NAALADL2: variants seen among roughly 807,000 people sequenced by gnomAD.
The protein encoded by NAALADL2 is N-acetylated alpha-linked acidic dipeptidase like 2.
NAALADL2 carries 76 observed loss-of-function variants against 87.2 expected under a neutral mutation model. That is an observed-to-expected ratio of 0.87 (90% CI 0.72 to 1.05). The LOEUF (loss-of-function observed/expected upper bound fraction) is 1.05. NAALADL2 is among the 50% of genes least tolerant of loss of function. The probability of loss-of-function intolerance (pLI) is 0.00; values close to 1 mark genes in which losing one functional copy is unlikely to be tolerated. For synonymous variants in NAALADL2, 354 were observed against 331.0 expected, an observed-to-expected ratio of 1.07 and a Z score of -0.75; for missense variants, 1,089 against 945.8, an observed-to-expected ratio of 1.15 and a Z score of -1.99.
chr3:174,808,077 G>A (rs1408675891), intron 3 of NAALADL2, among the ~76,000 whole-genome samples: 1 of 152,054 alleles, frequency 6.6e-6, no homozygotes, highest in Non-Finnish European at 1.5e-5. Context: ...TTTCAGACTT[G>A]TGGAAATTTA....
At chr3:174,689,574 C>A (rs1334130749) in intron 2 of NAALADL2, among the ~76,000 whole-genome samples, 1 of 151,892 alleles carries the variant, frequency 6.6e-6, no homozygotes, top group Non-Finnish European at 1.5e-5. Flanking sequence ...CAGGCCATAC[C>A]CTAGATGAAA....
rs7640163 is a variant in NAALADL2, at chr3:174,951,962, T to G, written c.43+92512T>G. 5.2e-3 allele frequency among the ~76,000 whole-genome samples: 788 copies of G among 152,222 alleles called. 10 individuals are homozygous for G. The highest frequency in any genetic ancestry group is 0.018 in the African/African-American group (766 of 41,554). On this transcript the variant is annotated intron_variant, in intron 1 of 13. Transcript: ENST00000454872. ...TCAGTTTTCTAAACCTAAGATAATT[T>G]TGTGTTACTCTATGCCTCTGAACAT...
chr3:174,526,262 C>A (rs1720736814), intron 1 of NAALADL2, among the ~76,000 whole-genome samples: 1 of 152,118 alleles, frequency 6.6e-6, no homozygotes, highest in South Asian at 2.1e-4. Context: ...ATTCAGTGGA[C>A]TAGCATTTCT....
At chr3:174,843,430 T>A (rs1234410127) in intron 3 of NAALADL2, among the ~76,000 whole-genome samples, 2 of 152,140 alleles carry the variant, frequency 1.3e-5, no homozygotes, top group African/African-American at 4.8e-5. Flanking sequence ...TTTCTTTAAA[T>A]ATTCATCCAT....
At chr3:175,161,542 G>A in intron 2 of NAALADL2, among the ~76,000 whole-genome samples, 1 of 152,072 alleles carries the variant, frequency 6.6e-6, no homozygotes, top group East Asian at 1.9e-4. Flanking sequence ...TCAGGGCAGA[G>A]GATCCAGGTA....
At chr3:175,350,192 C>T (rs533965834) in intron 5 of NAALADL2, among the ~76,000 whole-genome samples, 2 of 152,182 alleles carry the variant, frequency 1.3e-5, no homozygotes, top group South Asian at 4.1e-4. Context: ...TTTGATACTC[C>T]TTGCTCTCTG....
intron 2 of NAALADL2, among the ~76,000 whole-genome samples, chr3:174,603,019 T>C (rs559510548): frequency 1.4e-4 from 22 of 152,206 alleles, no homozygotes; most frequent in African/African-American, 5.3e-4. Context: ...TGCTAGTATT[T>C]TGTTGAGAAT....
intron 1 of NAALADL2, among the ~76,000 whole-genome samples, chr3:175,054,490 C>A (rs1269504918): frequency 1.3e-5 from 2 of 152,176 alleles, no homozygotes; most frequent in African/African-American, 4.8e-5. Flanking sequence ...CCATTTACCT[C>A]ATTTTTTCTT....
At chr3:175,440,242 A>G (rs1719502959) in intron 5 of NAALADL2, among the ~76,000 whole-genome samples, 1 of 152,082 alleles carries the variant, frequency 6.6e-6, no homozygotes, top group Non-Finnish European at 1.5e-5. Context: ...CCATTGATCT[A>G]TATGTCTGTC....
At chr3:175,504,219 G>T (rs1036325489) in intron 9 of NAALADL2, among the ~76,000 whole-genome samples, 9 of 152,110 alleles carry the variant, frequency 5.9e-5, no homozygotes, top group African/African-American at 1.7e-4. Flanking sequence ...TGTCAAAGAG[G>T]ACATTTTATC....
intron 1 of NAALADL2, among the ~76,000 whole-genome samples, chr3:174,939,778 A>T: frequency 6.6e-6 from 1 of 151,860 alleles, no homozygotes; most frequent in Non-Finnish European, 1.5e-5. Context: ...ATTGTGAATG[A>T]GATTAACTTT....
intron 10 of NAALADL2, among the ~76,000 whole-genome samples, chr3:175,613,670 C>T (rs1203422309): frequency 6.6e-6 from 1 of 152,132 alleles, no homozygotes; most frequent in Non-Finnish European, 1.5e-5. Flanking sequence ...GTTAAGAGCA[C>T]AGATAATGCC....
chr3:174,959,788 C>T (rs1346720843), intron 1 of NAALADL2, among the ~76,000 whole-genome samples: 1 of 152,042 alleles, frequency 6.6e-6, no homozygotes, highest in Non-Finnish European at 1.5e-5. Context: ...CAGGCTTAAG[C>T]ACTCATCTTC....
chr3:175,074,664 G>C (rs969461040), intron 1 of NAALADL2, among the ~76,000 whole-genome samples: 9 of 152,058 alleles, frequency 5.9e-5, no homozygotes, highest in Admixed American at 3.9e-4. Flanking sequence ...ATTAAAAATA[G>C]TCTTTGTCTT....
intron 1 of NAALADL2, among the ~76,000 whole-genome samples, chr3:174,918,212 TAGGGAGGTTATTTAGTATGCCTACAG>T (rs1180536949): frequency 6.6e-6 from 1 of 152,068 alleles, no homozygotes; most frequent in Non-Finnish European, 1.5e-5. Flanking sequence ...AAGTTGAGTT[TAGGGAGGTTATTTAGTATGCCTACAG>T]AAACAAAATA....
Position 175,467,110 on chromosome 3 carries a change from C to A in NAALADL2, c.1459C>A (p.Pro487Thr), listed in dbSNP as rs1413154116. ...LMSKVKRGWR[P>T]DRTIVFCSWG... is the part of the protein sequence containing the mutation. ...GTCAAAAGTTAAGAGAGGGTGGAGACCAGACCGAACTATTGTTTTCTGTTC... is the reference window on the plus strand; with the variant it reads ...GTCAAAAGTTAAGAGAGGGTGGAGAACAGACCGAACTATTGTTTTCTGTTC... The change falls in exon 8 of 14, where the codon CCA becomes ACA. Residue 487 changes from proline to threonine, a missense_variant. Physicochemically the swap from Pro to Thr is conservative, Grantham distance 38. Coordinates refer to ENST00000454872, the MANE Select transcript of NAALADL2 (RefSeq NM_207015.3). 8.7e-6 allele frequency: 14 copies of A among 1,613,702 alleles called. No homozygotes were observed. The East Asian group carries it at 2.9e-4, about 33-fold the overall frequency.
chr3:174,974,007 G>T (rs1032844369), intron 1 of NAALADL2, among the ~76,000 whole-genome samples: 1 of 152,094 alleles, frequency 6.6e-6, no homozygotes, highest in African/African-American at 2.4e-5. Context: ...CCACCCAGTG[G>T]ATTTTTCTAC....
intron 11 of NAALADL2, among the ~76,000 whole-genome samples, chr3:175,727,275 G>A (rs1008718145): frequency 8.5e-5 from 13 of 152,124 alleles, no homozygotes; most frequent in Non-Finnish European, 1.6e-4. Flanking sequence ...TTCTCAGCAC[G>A]CTGAGAGAAA....
chr3:174,527,062 G>C (rs989159586), intron 1 of NAALADL2, among the ~76,000 whole-genome samples: 3 of 152,088 alleles, frequency 2.0e-5, no homozygotes, highest in African/African-American at 7.2e-5. Context: ...TTTTGAATGT[G>C]TTGTGATATA....
Sources: allele counts gnomAD v4.1 joint callset (sites outside exome capture counted in the v4.1 genomes callset), GRCh38; gene constraint gnomAD v4.1.1; transcripts MANE v1.5; gene names NCBI Gene and HGNC (gene_info 2026-07-23, HGNC 2026-07-21).